RARB: variants seen among roughly 807,000 people sequenced by gnomAD.
The protein encoded by RARB is HBV-activated protein.
In RARB, 17 loss-of-function variants were observed where a neutral mutation model predicts 51.9. That is an observed-to-expected ratio of 0.33 (90% CI 0.22 to 0.49). The LOEUF (loss-of-function observed/expected upper bound fraction) is 0.49, where lower values mean the gene tolerates loss of function less well. Among genes scored for constraint, RARB ranks in the 20% least tolerant of loss-of-function variants. The probability of loss-of-function intolerance (pLI) is 0.99; values close to 1 mark genes in which losing one functional copy is unlikely to be tolerated. For synonymous variants in RARB, 215 were observed against 195.4 expected (o/e 1.10, Z -0.84); for missense variants, 369 against 550.8 (o/e 0.67, Z 3.30).
chr3:25,428,390 C>T lies in RARB; in HGVS notation c.-342C>T, dbSNP rs887792872. ...ATGCCGAGAACGCGAGCGATCCGAG[C>T]AGGGTTTGTCTGGGCACCGTCGGGG... On this transcript the variant is annotated 5_prime_UTR_variant, in exon 1 of 8. Coordinates refer to ENST00000330688, the MANE Select transcript of RARB (RefSeq NM_000965.5). 2 of 1,256,530 alleles carry T rather than the reference C, an allele frequency of 1.6e-6. No individual in the cohort carries two copies. Among genetic ancestry groups the T allele is most frequent in the Non-Finnish European group, 2.0e-6 (2 of 1,002,570 alleles). The allele number at this position is 1,256,530 out of a possible 1,614,324, so 77.8% of individuals were successfully genotyped here.
chr3:24,978,104 C>G (rs1696559224), intron 2 of RARB, among the ~76,000 whole-genome samples: 1 of 152,184 alleles, frequency 6.6e-6, no homozygotes, highest in Non-Finnish European at 1.5e-5. Flanking sequence ...ATGGAGCCCA[C>G]TTGATCATGG....
At chr3:24,895,909 C>A (rs532307608) in intron 2 of RARB, among the ~76,000 whole-genome samples, 19 of 152,252 alleles carry the variant, frequency 1.2e-4, no homozygotes, top group African/African-American at 3.4e-4. Context: ...GATATTTGTA[C>A]ACTCTTGTTT....
chr3:25,235,528 T>C (rs970928302), intron 5 of RARB, among the ~76,000 whole-genome samples: 1 of 152,202 alleles, frequency 6.6e-6, no homozygotes, highest in African/African-American at 2.4e-5. Flanking sequence ...TTCATTATGG[T>C]TGAATTTCAA....
chr3:24,873,437 G>T (rs1201335413), intron 2 of RARB, among the ~76,000 whole-genome samples: 1 of 151,822 alleles, frequency 6.6e-6, no homozygotes, highest in Non-Finnish European at 1.5e-5. Context: ...CTTATCAGTT[G>T]TCTTTTATCC....
intron 2 of RARB, among the ~76,000 whole-genome samples, chr3:25,494,253 G>GCACGCACACACACACA (rs1553623182): frequency 7.6e-6 from 1 of 131,852 alleles, no homozygotes; most frequent in African/African-American, 2.6e-5. Context: ...TGTATCTTAC[G>GCACGCACACACACACA]CACACACACA....
chr3:25,246,745 A>T (rs1346928223), intron 5 of RARB, among the ~76,000 whole-genome samples: 2 of 152,084 alleles, frequency 1.3e-5, no homozygotes, highest in African/African-American at 2.4e-5. Context: ...CTCTTCTAAG[A>T]GGTGTCTGTT....
chr3:25,410,371 A>T (rs1246429696), intron 5 of RARB, among the ~76,000 whole-genome samples: 1 of 152,236 alleles, frequency 6.6e-6, no homozygotes, highest in Non-Finnish European at 1.5e-5. Flanking sequence ...AATGTTAGGA[A>T]CATATTGCCG....
chr3:25,250,809 A>G (rs557450281), intron 5 of RARB, among the ~76,000 whole-genome samples: 3 of 152,212 alleles, frequency 2.0e-5, no homozygotes, highest in Non-Finnish European at 4.4e-5. Context: ...TGTGATCTTC[A>G]GGCAGCTCCC....
At chr3:25,266,804 CAG>C (rs1703137513) in intron 5 of RARB, among the ~76,000 whole-genome samples, 2 of 152,202 alleles carry the variant, frequency 1.3e-5, no homozygotes, top group Admixed American at 1.3e-4. Context: ...TATAAGGAAA[CAG>C]TGAGCAGGCA....
chr3:25,101,810 G>A (rs1559466680), intron 3 of RARB, among the ~76,000 whole-genome samples: 1 of 151,960 alleles, frequency 6.6e-6, no homozygotes, highest in Non-Finnish European at 1.5e-5. Context: ...CACCAAGAGT[G>A]TATGAGGATC....
At chr3:25,554,919 A>G (rs546834101) in intron 3 of RARB, among the ~76,000 whole-genome samples, 1 of 152,262 alleles carries the variant, frequency 6.6e-6, no homozygotes, top group African/African-American at 2.4e-5. Context: ...TAAAGCCATC[A>G]GTTCCTCTCA....
At chr3:24,911,578 G>A (rs1023777668) in intron 2 of RARB, among the ~76,000 whole-genome samples, 4 of 152,132 alleles carry the variant, frequency 2.6e-5, no homozygotes, top group African/African-American at 9.7e-5. Flanking sequence ...CTATTAAGTG[G>A]TAGTGTCTTA....
At chr3:25,408,305 A>G (rs1027198709) in intron 5 of RARB, among the ~76,000 whole-genome samples, 7 of 152,096 alleles carry the variant, frequency 4.6e-5, no homozygotes, top group East Asian at 1.9e-4. Flanking sequence ...ACATTTCTGC[A>G]TGGCGGGAGT....
chr3:25,246,106 G>A (rs561781137), intron 5 of RARB, among the ~76,000 whole-genome samples: 4 of 151,672 alleles, frequency 2.6e-5, no homozygotes, highest in East Asian at 2.0e-4. Flanking sequence ...ATGCTTGATC[G>A]ATTTGGCTAT....
At position 25,473,975 on chromosome 3, in the gene RARB, G is replaced by A. The variant is rs376627542; in HGVS notation, c.306+12634G>A. Among the ~76,000 whole-genome samples, 4 of 147,634 alleles carry A rather than the reference G, an allele frequency of 2.7e-5. No homozygotes were observed. In the East Asian group the frequency reaches 6.2e-4, roughly 23 times the overall value. On this transcript the variant is annotated intron_variant, in intron 2 of 7. Transcript: ENST00000330688. The stretch of plus-strand genomic sequence containing the variant: ...AACTCTGAACTGGAGCGTGTAAAAT[G>A]TACTTCTCAGGTTCTGTGAGCCTTA...
chr3:25,430,771 A>C (rs994807983), intron 1 of RARB, among the ~76,000 whole-genome samples: 1 of 152,216 alleles, frequency 6.6e-6, no homozygotes, highest in Admixed American at 6.5e-5. Flanking sequence ...AAGGGATTTC[A>C]GAAATTCCAG....
intron 2 of RARB, among the ~76,000 whole-genome samples, chr3:24,906,361 T>A (rs527499666): frequency 1.7e-3 from 261 of 152,314 alleles, no homozygotes; most frequent in African/African-American, 6.0e-3. Context: ...GAATGAAAAT[T>A]CAGAATGCTT....
At chr3:24,956,455 T>G (rs888641570) in intron 2 of RARB, among the ~76,000 whole-genome samples, 2 of 152,172 alleles carry the variant, frequency 1.3e-5, no homozygotes, top group South Asian at 4.1e-4. Context: ...GTATCAATGG[T>G]CTGGAGTTGC....
intron 2 of RARB, among the ~76,000 whole-genome samples, chr3:25,033,795 T>G (rs12494417): frequency 1.3e-5 from 2 of 151,998 alleles, no homozygotes; most frequent in African/African-American, 4.8e-5. Flanking sequence ...CCTAGGCAAG[T>G]TGGCACAGTA....
Sources: allele counts gnomAD v4.1 joint callset (sites outside exome capture counted in the v4.1 genomes callset), GRCh38; gene constraint gnomAD v4.1.1; transcripts MANE v1.5; gene names NCBI Gene and HGNC (gene_info 2026-07-23, HGNC 2026-07-21).